The following TBC1D22A variants were observed in gnomAD, a reference collection of about 807,000 sequenced individuals.
TBC1D22A encodes putative GTPase activator.
In TBC1D22A, 38 loss-of-function variants were observed where a neutral mutation model predicts 60.2. The ratio of observed to expected loss-of-function variants is 0.63; its 90% CI spans 0.49 to 0.83. TBC1D22A has a LOEUF of 0.83. Among genes scored for constraint, TBC1D22A ranks in the 40% least tolerant of loss-of-function variants. The pLI, the probability that TBC1D22A is intolerant of heterozygous loss-of-function variation, is 0.00. For synonymous variants in TBC1D22A, 302 were observed against 281.7 expected (o/e 1.07, Z -0.72); for missense variants, 628 against 701.0 (o/e 0.90, Z 1.18).
At chr22:46,883,848 C>G (rs1227786719) in intron 5 of TBC1D22A, among the ~76,000 whole-genome samples, 2 of 152,214 alleles carry the variant, frequency 1.3e-5, no homozygotes, top group African/African-American at 4.8e-5. Context: ...CCTGTGTCCT[C>G]TGTGCTCCGT....
At chr22:46,969,261 C>A (rs1342152490) in intron 8 of TBC1D22A, among the ~76,000 whole-genome samples, 1 of 152,100 alleles carries the variant, frequency 6.6e-6, no homozygotes, top group African/African-American at 2.4e-5. Context: ...ATTGACATTC[C>A]CTTTTACTCT....
At chr22:46,874,325 G>A (rs907229470) in intron 4 of TBC1D22A, among the ~76,000 whole-genome samples, 3 of 152,022 alleles carry the variant, frequency 2.0e-5, no homozygotes, top group African/African-American at 7.2e-5. Flanking sequence ...GGGTCAAATG[G>A]TATTTCTGTC....
chr22:46,865,442 A>G (rs113487907), intron 4 of TBC1D22A, among the ~76,000 whole-genome samples: 153 of 152,382 alleles, frequency 1.0e-3, no homozygotes, highest in African/African-American at 3.4e-3. Context: ...TTGAGCATCC[A>G]TAATCCAAAA....
At chr22:46,947,064 AG>A (rs762823272) in intron 8 of TBC1D22A, among the ~76,000 whole-genome samples, 3 of 152,186 alleles carry the variant, frequency 2.0e-5, no homozygotes, top group Non-Finnish European at 2.9e-5. Flanking sequence ...AGAGACTGCC[AG>A]GCCCAGCCTC....
At chr22:46,926,983 C>T (rs1443558241) in intron 8 of TBC1D22A, among the ~76,000 whole-genome samples, 2 of 152,042 alleles carry the variant, frequency 1.3e-5, no homozygotes, top group African/African-American at 2.4e-5. Context: ...CAAAGAAAAT[C>T]GTAGGACTAG....
At chr22:47,171,213 C>T (rs550385828) in intron 12 of TBC1D22A, among the ~76,000 whole-genome samples, 1 of 152,330 alleles carries the variant, frequency 6.6e-6, no homozygotes, top group African/African-American at 2.4e-5. Flanking sequence ...GCCCAGCTAC[C>T]CCCCATTCCC....
intron 7 of TBC1D22A, among the ~76,000 whole-genome samples, chr22:46,899,829 A>C (rs1243712509): frequency 6.6e-6 from 1 of 152,020 alleles, no homozygotes; most frequent in African/African-American, 2.4e-5. Context: ...CTGTCATCCA[A>C]AGTGACATGG....
intron 9 of TBC1D22A, among the ~76,000 whole-genome samples, chr22:46,980,646 AT>A (rs1296853368): frequency 0.012 from 3 of 254 alleles, no homozygotes; most frequent in Non-Finnish European, 0.023. Flanking sequence ...TACTGAAAAT[AT>A]GGGCAGATTA....
intron 12 of TBC1D22A, among the ~76,000 whole-genome samples, chr22:47,164,953 A>T (rs2068139697): frequency 6.6e-6 from 1 of 152,064 alleles, no homozygotes; most frequent in Non-Finnish European, 1.5e-5. Flanking sequence ...GACCTCTGTA[A>T]TGTGTGGTCC....
At chr22:47,055,277 G>A (rs1479276648) in intron 11 of TBC1D22A, among the ~76,000 whole-genome samples, 2 of 152,354 alleles carry the variant, frequency 1.3e-5, no homozygotes, top group Non-Finnish European at 2.9e-5. Context: ...GATGGAGTCA[G>A]GTGAGTGTTT....
rs759853908 is a variant in TBC1D22A at position 46,894,780 on chromosome 22, C to T, written c.838-4C>T. 8.7e-6 allele frequency: 14 copies of T among 1,614,098 alleles called. No homozygotes were observed. The African/African-American group carries it at 1.9e-4, about 22-fold the overall frequency. On this transcript the variant is annotated splice_region_variant and splice_polypyrimidine_tract_variant and intron_variant, in intron 6 of 12. Coordinates refer to ENST00000337137, the MANE Select transcript of TBC1D22A (RefSeq NM_014346.5). The stretch of plus-strand genomic sequence containing the variant: ...ATAAATGTCCGTTTCTCCTGCTTCT[C>T]CAGATCCACATAGACATCCCTCGCA...
intron 8 of TBC1D22A, among the ~76,000 whole-genome samples, chr22:46,972,772 G>A (rs136109): frequency 2.6e-5 from 4 of 152,166 alleles, no homozygotes; most frequent in Admixed American, 6.5e-5. Flanking sequence ...ATTTTATGGC[G>A]GATGAATTAT....
rs571522049 is a variant in TBC1D22A at position 46,763,003 on chromosome 22, G to C, written c.62+155G>C. On this transcript the variant is annotated intron_variant, in intron 1 of 12. Coordinates refer to ENST00000337137, the MANE Select transcript of TBC1D22A (RefSeq NM_014346.5). ...GGTGTGACGGGCGTTGGGGGGCTCG[G>C]AGGTCGGAGCGTGGGGTCTGGGGGT... Among the ~76,000 whole-genome samples, 3 of 152,204 alleles carry C rather than the reference G, an allele frequency of 2.0e-5. No individual in the cohort carries two copies. The South Asian group carries it at 6.2e-4, about 32-fold the overall frequency.
intron 11 of TBC1D22A, among the ~76,000 whole-genome samples, chr22:47,105,759 C>G (rs931196210): frequency 1.4e-4 from 22 of 152,090 alleles, no homozygotes; most frequent in African/African-American, 5.3e-4. Context: ...TTTCCCACCC[C>G]CCCACTCCCC....
chr22:46,870,777 A>G (rs1819625347), intron 4 of TBC1D22A, among the ~76,000 whole-genome samples: 1 of 152,214 alleles, frequency 6.6e-6, no homozygotes, highest in African/African-American at 2.4e-5. Context: ...GTGTGCTCAC[A>G]TGACAGAGGA....
chr22:46,774,194 C>A, intron 1 of TBC1D22A: 1 of 985,548 alleles, frequency 1.0e-6, no homozygotes, highest in South Asian at 4.7e-5. Context: ...GGGGGAAAAC[C>A]AGGCTTGCTG....
At chr22:47,076,353 A>G (rs868771294) in intron 11 of TBC1D22A, among the ~76,000 whole-genome samples, 120 of 107,786 alleles carry the variant, frequency 1.1e-3, no homozygotes, top group South Asian at 4.7e-3. Context: ...ATATATATAT[A>G]TGTGTGTGTA....
At chr22:46,870,139 G>A (rs1401670310) in intron 4 of TBC1D22A, among the ~76,000 whole-genome samples, 1 of 152,188 alleles carries the variant, frequency 6.6e-6, no homozygotes, top group African/African-American at 2.4e-5. Context: ...CTTAAGCAAG[G>A]CAAGTATTTT....
intron 4 of TBC1D22A, among the ~76,000 whole-genome samples, chr22:46,858,327 T>A (rs2087674534): frequency 6.6e-6 from 1 of 152,272 alleles, no homozygotes; most frequent in Non-Finnish European, 1.5e-5. Context: ...TTACTCATCT[T>A]TTTGTTATTG....
Sources: gnomAD v4.1 joint callset for allele counts (sites outside exome capture counted in the v4.1 genomes callset) on GRCh38, gnomAD v4.1.1 for gene constraint, MANE v1.5 for transcripts, NCBI Gene and HGNC (gene_info 2026-07-23, HGNC 2026-07-21) for gene names.